The following IFT172 variants were observed in gnomAD, a reference collection of about 807,000 sequenced individuals.
IFT172 encodes the protein intraflagellar transport protein 172 homolog.
A neutral mutation model predicts 248.9 loss-of-function variants in IFT172; 164 were observed. The ratio of observed to expected loss-of-function variants is 0.66; its 90% CI spans 0.58 to 0.75. IFT172 has a LOEUF of 0.75. Ranked by LOEUF, IFT172 falls within the 30% of genes least tolerant of loss-of-function variation. The probability of loss-of-function intolerance (pLI) is 0.00; values close to 1 mark genes in which losing one functional copy is unlikely to be tolerated. For missense variants in IFT172, 1,950 were observed against 2,192.4 expected (o/e 0.89, Z 2.21); for synonymous variants, 729 against 791.6 (o/e 0.92, Z 1.33).
chr2:27,445,679 A>T lies in IFT172; in HGVS notation c.4914+66T>A, dbSNP rs1228306287. 3.8e-5 allele frequency: 60 copies of T among 1,568,514 alleles called. No homozygotes were observed. Among genetic ancestry groups the T allele is most frequent in the Non-Finnish European group, 5.0e-5 (57 of 1,141,556 alleles). ...TCCTTCCAAAGATGGCAGCACAAAG[A>T]TATTCTCCCTCCTCAAGGCACTCAC... On this transcript the variant is annotated intron_variant, in intron 45 of 47. Transcript: ENST00000260570. This position sits in a 1 kb window ranked among gnomAD's most constrained non-coding sequence, Gnocchi z 4.4.
intron 16 of IFT172, among the ~76,000 whole-genome samples, chr2:27,469,661 A>G (rs1667399224): frequency 6.6e-6 from 1 of 152,064 alleles, no homozygotes; most frequent in African/African-American, 2.4e-5. Context: ...GCGAAACCTC[A>G]TCTCTACTAA....
At chr2:27,460,013 G>C (rs1355683285) in intron 23 of IFT172, among the ~76,000 whole-genome samples, 184 bp from the exon 24 acceptor site, 1 of 152,066 alleles carries the variant, frequency 6.6e-6, no homozygotes. Flanking sequence ...GATTGTTACT[G>C]TGTCTGTGTA....
At position 27,472,376 on chromosome 2, in the gene IFT172, G is replaced by A. The variant is rs776583464; in HGVS notation, c.1412-14C>T. On this transcript the variant is annotated splice_polypyrimidine_tract_variant and intron_variant, in intron 14 of 47. Coordinates refer to ENST00000260570, the MANE Select transcript of IFT172 (RefSeq NM_015662.3). ...CAATCAGATCCACTATAGAATAAAG[G>A]AGACAGGGTTAAGAAGAGAGATTCC... 2.7e-5 allele frequency: 43 copies of A among 1,602,994 alleles called. No individual in the cohort carries two copies. Among genetic ancestry groups the A allele is most frequent in the Non-Finnish European group, 3.5e-5 (41 of 1,170,618 alleles).
chr2:27,453,351 G>A (rs372742348), intron 35 of IFT172, 33 bp downstream of exon 35: 1 of 1,613,730 alleles, frequency 6.2e-7, no homozygotes, highest in Admixed American at 1.7e-5. Flanking sequence ...GGCCTAGGGA[G>A]AAGGAGGGCC....
In IFT172 at chr2:27,453,428, G is replaced by T. The variant is rs587777087; in HGVS notation, c.3907C>A (p.Arg1303=). The change falls in exon 35 of 48, where the codon CGA becomes AGA. Residue 1303 remains arginine (R), a synonymous_variant. Transcript: ENST00000260570. The part of the protein sequence containing the change: ...SRAVDCYLKV[R]DSGNSGLAEK... ...GCCAGGCCGCTGTTTCCAGAGTCTC[G>T]CACTTTGAGGTAGCAGTCCACGGCA... 1 of 1,614,046 alleles carries T rather than the reference G, an allele frequency of 6.2e-7. No individual in the cohort carries two copies. The highest frequency in any genetic ancestry group is 1.3e-5 in the African/African-American group (1 of 74,904).
At chr2:27,449,240 T>C in intron 39 of IFT172, 54 bp downstream of exon 39, 2 of 1,599,854 alleles carry the variant, frequency 1.3e-6, no homozygotes, top group Non-Finnish European at 1.7e-6. Context: ...TTGAGGCAGG[T>C]GGGGAATCAA....
intron 14 of IFT172, among the ~76,000 whole-genome samples, chr2:27,475,291 G>A (rs1440939517): frequency 6.6e-6 from 1 of 152,184 alleles, no homozygotes; most frequent in Non-Finnish European, 1.5e-5. Flanking sequence ...TGAAGTTGAA[G>A]ACACAGCTCC....
chr2:27,459,208 C>T, intron 25 of IFT172, 170 bp downstream of exon 25: 1 of 815,784 alleles, frequency 1.2e-6, no homozygotes, highest in Admixed American at 3.0e-5. Context: ...CTGTGTCACA[C>T]TGGAATGAAA....
chr2:27,489,588 G>T, intron 1 of IFT172, 27 bp downstream of exon 1: 1 of 1,589,820 alleles, frequency 6.3e-7, no homozygotes, highest in African/African-American at 1.3e-5. Flanking sequence ...AAGCATAAGG[G>T]GGAGGGACTG....
At position 27,461,843 on chromosome 2, in the gene IFT172, GAA is replaced by G; in HGVS notation, c.2116-9_2116-8del. Reference sequence around the variant, plus strand: ...TGGCCTCCTCCACAGCATTCTAGGGGAAACAGGCAGAGCAGAGAGGGACACCA... The same window carrying G: ...TGGCCTCCTCCACAGCATTCTAGGGGACAGGCAGAGCAGAGAGGGACACCA... On this transcript the variant is annotated splice_polypyrimidine_tract_variant and splice_region_variant and intron_variant, in intron 20 of 47. Coordinates refer to ENST00000260570, the MANE Select transcript of IFT172 (RefSeq NM_015662.3). The G allele has an allele frequency of 6.2e-7, 1 of 1,614,108 alleles. No homozygotes were observed. The highest frequency in any genetic ancestry group is 8.5e-7 in the Non-Finnish European group (1 of 1,180,010).
In IFT172 at chr2:27,483,901, T is replaced by G. The variant is rs776509019; in HGVS notation, c.373A>C (p.Ile125Leu). 9 of 1,614,028 alleles carry G rather than the reference T, an allele frequency of 5.6e-6. No homozygotes were observed. In the East Asian group the frequency reaches 2.0e-4, roughly 36 times the overall value. The change falls in exon 5 of 48, where the codon ATC becomes CTC. Residue 125 changes from isoleucine (I) to leucine (L), a missense_variant. Physicochemically the swap from Ile to Leu is conservative, Grantham distance 5. Coordinates refer to ENST00000260570, the MANE Select transcript of IFT172 (RefSeq NM_015662.3). ...CCTTCAGCCAGTCCAAAGACAATGA[T>G]GTATTCTGCCGGCCATTGCAGACAA... Reference protein sequence around the residue: ...VTCLQWPAEYIIVFGLAEGKV... With the variant: ...VTCLQWPAEYLIVFGLAEGKV...
chr2:27,449,514 C>T lies in IFT172; in HGVS notation c.4209G>A (p.Gln1403=). 1 of 1,614,214 alleles carries T rather than the reference C, an allele frequency of 6.2e-7. No homozygotes were observed. The change falls in exon 38 of 48, where the codon CAG becomes CAA. Residue 1403 remains glutamine (Q), a synonymous_variant. Coordinates refer to ENST00000260570, the MANE Select transcript of IFT172 (RefSeq NM_015662.3). The part of the protein sequence containing the change: ...DQHYKEFLKN[Q]GKVDSLVGVD... ...CAAGTCTCACCGAGTCCACTTTGCC[C>T]TGATTCTTGAGGAACTCTTTATAAT...
At chr2:27,455,564 A>T in intron 30 of IFT172, 1 of 208,230 alleles carries the variant, frequency 4.8e-6, no homozygotes, top group Non-Finnish European at 9.6e-6. Context: ...CAAAAAAATT[A>T]GCCGGGCGTG....
At chr2:27,467,456 C>T (rs1667178652) in intron 16 of IFT172, among the ~76,000 whole-genome samples, 1 of 115,348 alleles carries the variant, frequency 8.7e-6, no homozygotes, top group Non-Finnish European at 1.7e-5. Context: ...AAAAGCAGGG[C>T]ATGGTGGCAT....
intron 35 of IFT172, chr2:27,453,036 C>T: frequency 2.8e-6 from 1 of 358,826 alleles, no homozygotes; most frequent in Non-Finnish European, 5.4e-6. Context: ...CCAAGTCTTC[C>T]CTCCTTCTTC....
At chr2:27,472,006 C>T (rs1667605472) in intron 15 of IFT172, 1 of 565,724 alleles carries the variant, frequency 1.8e-6, no homozygotes, top group Middle Eastern at 4.6e-4. Context: ...CCACTGCACT[C>T]CAGCCTGGGT....
chr2:27,476,695 T>C lies in IFT172; in HGVS notation c.1357A>G (p.Thr453Ala). Residue 453 changes from threonine to alanine, a missense_variant, in exon 14 of 48, where the codon ACA becomes GCA. Thr to Ala is a moderately conservative substitution (Grantham distance 58). Coordinates refer to ENST00000260570, the MANE Select transcript of IFT172 (RefSeq NM_015662.3). ...VRINERCQRG[T>A]EDNKKLAYLI... is the part of the protein sequence containing the mutation. ...TAAGCCAATTTCTTATTATCTTCTG[T>C]TCCTCGCTGACACCTCTCATTAATA... 1 of 1,612,580 alleles carries C rather than the reference T, an allele frequency of 6.2e-7. No homozygotes were observed. Among genetic ancestry groups the C allele is most frequent in the South Asian group, 1.1e-5 (1 of 91,020 alleles).
rs772373011 is a variant in IFT172, at chr2:27,489,673, G to T, written c.-20C>A. The T allele has an allele frequency of 1.6e-5, 25 of 1,605,454 alleles. No homozygotes were observed. In the African/African-American group the frequency reaches 2.8e-4, roughly 18 times the overall value. On this transcript the variant is annotated 5_prime_UTR_variant, in exon 1 of 48. In the 5' UTR this introduces an upstream ATG that the reference lacks. Transcript: ENST00000260570. ...GTGCATGACGCACACCTGTCTTTCAGATGCTCCTAGACAGCGACAACTCCC... is the reference window on the plus strand; with the variant it reads ...GTGCATGACGCACACCTGTCTTTCATATGCTCCTAGACAGCGACAACTCCC...
Position 27,459,814 on chromosome 2 carries a change from C to A in IFT172, c.2537G>T (p.Arg846Leu), listed in dbSNP as rs199784373. 15 of 1,611,946 alleles carry A rather than the reference C, an allele frequency of 9.3e-6. No individual in the cohort carries two copies. Among genetic ancestry groups the A allele is most frequent in the Non-Finnish European group, 1.3e-5 (15 of 1,180,028 alleles). The stretch of plus-strand genomic sequence containing the variant: ...CACCACCTCCACTGGGAAGGCCAAT[C>A]GAGCCAGCTCTACCGCTGCCAGGGA... Reference protein sequence around the residue: ...NAFMKAVELARLAFPVEVVKL... With the variant: ...NAFMKAVELALLAFPVEVVKL... Residue 846 changes from arginine to leucine, a missense_variant, in exon 24 of 48, where the codon CGA becomes CTA. Around this residue, in one of 3 missense-constraint regions of IFT172, gnomAD observed 1,166 missense variants for 1,254.1 expected, o/e 0.93. Transcript: ENST00000260570.
Sources: gnomAD v4.1 joint callset for allele counts (sites outside exome capture counted in the v4.1 genomes callset) on GRCh38, gnomAD v4.1.1 for gene constraint, gnomAD v4.1.1 regional missense constraint, Gnocchi (gnomAD v3.1) non-coding constraint, MANE v1.5 for transcripts, NCBI Gene and HGNC (gene_info 2026-07-23, HGNC 2026-07-21) for gene names.